The following PIP5K1B variants were observed in gnomAD, a reference collection of about 807,000 sequenced individuals.
The protein encoded by PIP5K1B is phosphatidylinositol-4-phosphate 5-kinase type 1 beta.
A neutral mutation model predicts 67.0 loss-of-function variants in PIP5K1B; 42 were observed. The observed-to-expected ratio is 0.63, with a 90% CI of 0.49 to 0.81. PIP5K1B has a LOEUF of 0.81. Ranked by LOEUF, PIP5K1B falls within the 30% of genes least tolerant of loss-of-function variation. The pLI is 0.00. For missense variants in PIP5K1B, 459 were observed against 646.3 expected, an observed-to-expected ratio of 0.71 and a Z score of 3.14; for synonymous variants, 214 against 231.4, an observed-to-expected ratio of 0.92 and a Z score of 0.68.
chr9:68,932,361 G>A (rs2132592851), intron 12 of PIP5K1B, among the ~76,000 whole-genome samples: 1 of 152,122 alleles, frequency 6.6e-6, no homozygotes, highest in South Asian at 2.1e-4. Flanking sequence ...TTATTTATGT[G>A]GGTGATAGCT....
intron 14 of PIP5K1B, among the ~76,000 whole-genome samples, chr9:68,958,188 C>T (rs1828501990): frequency 6.6e-6 from 1 of 152,056 alleles, no homozygotes; most frequent in Non-Finnish European, 1.5e-5. Flanking sequence ...GCTGTTTTCT[C>T]AAATGCTAAG....
chr9:68,950,174 C>G (rs1027854548), intron 14 of PIP5K1B, among the ~76,000 whole-genome samples: 1 of 152,168 alleles, frequency 6.6e-6, no homozygotes, highest in African/African-American at 2.4e-5. Flanking sequence ...AGCAGCTATT[C>G]GTGACCTCCC....
intron 15 of PIP5K1B, among the ~76,000 whole-genome samples, chr9:68,997,973 C>CTT (rs11454187): frequency 2.8e-5 from 4 of 145,214 alleles, no homozygotes; most frequent in African/African-American, 1.0e-4. Context: ...AGCTTTTTTT[C>CTT]TTTTTTTTTT....
chr9:68,752,489 CTTTT>C (rs922905006), intron 2 of PIP5K1B, among the ~76,000 whole-genome samples: 5 of 151,676 alleles, frequency 3.3e-5, no homozygotes, highest in African/African-American at 1.2e-4. Context: ...TTTATTCTTT[CTTTT>C]TTTTTCTTCC....
At chr9:68,865,024 C>T (rs1248953043) in intron 5 of PIP5K1B, among the ~76,000 whole-genome samples, 1 of 152,178 alleles carries the variant, frequency 6.6e-6, no homozygotes, top group Non-Finnish European at 1.5e-5. Flanking sequence ...TGTGGACATG[C>T]AGTAACCCCC....
intron 4 of PIP5K1B, among the ~76,000 whole-genome samples, chr9:68,835,757 A>G (rs554264933): frequency 6.6e-6 from 1 of 152,144 alleles, no homozygotes; most frequent in African/African-American, 2.4e-5. Flanking sequence ...TTCAAAAAGC[A>G]GTGGAATTCT....
At chr9:68,771,614 C>T (rs1012805485) in intron 2 of PIP5K1B, among the ~76,000 whole-genome samples, 1 of 152,110 alleles carries the variant, frequency 6.6e-6, no homozygotes, top group Non-Finnish European at 1.5e-5. Context: ...TCCTAGAAAT[C>T]GAATGAGTTA....
intron 2 of PIP5K1B, among the ~76,000 whole-genome samples, chr9:68,761,892 G>A (rs770950974): frequency 2.0e-4 from 30 of 152,094 alleles, no homozygotes; most frequent in Non-Finnish European, 3.5e-4. Context: ...CAGGGGTAAG[G>A]ATGTGGACAT....
At chr9:68,789,228 T>A (rs1831818287) in intron 2 of PIP5K1B, 1 of 493,876 alleles carries the variant, frequency 2.0e-6, no homozygotes, top group African/African-American at 2.0e-5. Context: ...TGTGATGGTG[T>A]TGACAACTGT....
intron 2 of PIP5K1B, chr9:68,780,370 A>G: frequency 6.2e-7 from 1 of 1,613,168 alleles, no homozygotes; most frequent in Non-Finnish European, 8.5e-7. Context: ...CCGAGCCGCC[A>G]CGGCCTGCTG....
chr9:68,938,022 G>T (rs1175211110), intron 13 of PIP5K1B, among the ~76,000 whole-genome samples: 8 of 152,132 alleles, frequency 5.3e-5, no homozygotes, highest in African/African-American at 1.9e-4. Context: ...TTCCAATTAT[G>T]TGATCAATTT....
chr9:68,925,859 G>GTGA (rs1564240320), intron 12 of PIP5K1B, among the ~76,000 whole-genome samples: 1 of 134,374 alleles, frequency 7.4e-6, no homozygotes, highest in African/African-American at 2.8e-5. Context: ...GTGCAGTGGC[G>GTGA]TGATTTCAGC....
chr9:68,929,404 T>G (rs1826879835), intron 12 of PIP5K1B, among the ~76,000 whole-genome samples: 1 of 152,156 alleles, frequency 6.6e-6, no homozygotes, highest in Non-Finnish European at 1.5e-5. Context: ...CATCCTTCTA[T>G]CTGCTCATTC....
chr9:68,964,852 G>T (rs1175884754), intron 14 of PIP5K1B, among the ~76,000 whole-genome samples: 1 of 152,180 alleles, frequency 6.6e-6, no homozygotes, highest in Non-Finnish European at 1.5e-5. Context: ...CCAAGAGGAG[G>T]TTGATTGATC....
At chr9:68,863,520 T>C (rs1419904113) in intron 4 of PIP5K1B, among the ~76,000 whole-genome samples, 1 of 152,172 alleles carries the variant, frequency 6.6e-6, no homozygotes, top group African/African-American at 2.4e-5. Flanking sequence ...AAATGGGAAA[T>C]ATTGGTGTCC....
chr9:68,779,940 C>T (rs1831138845), intron 2 of PIP5K1B: 2 of 498,364 alleles, frequency 4.0e-6, no homozygotes, highest in Non-Finnish European at 6.7e-6. Flanking sequence ...AGCGGCCCGA[C>T]CACTCCTCGC....
chr9:68,952,798 T>TCTGC (rs1564264826), intron 14 of PIP5K1B, among the ~76,000 whole-genome samples: 2 of 151,174 alleles, frequency 1.3e-5, no homozygotes, highest in Non-Finnish European at 2.9e-5. Flanking sequence ...TGCCTGCCTG[T>TCTGC]CTGCCTGTCT....
At chr9:68,861,848 G>A (rs1823092056) in intron 4 of PIP5K1B, among the ~76,000 whole-genome samples, 1 of 151,896 alleles carries the variant, frequency 6.6e-6, no homozygotes, top group African/African-American at 2.4e-5. Context: ...GCATTGCAGA[G>A]CTCCGAGAGG....
intron 2 of PIP5K1B, among the ~76,000 whole-genome samples, chr9:68,750,931 A>G (rs963546830): frequency 1.3e-5 from 2 of 152,190 alleles, no homozygotes; most frequent in East Asian, 3.9e-4. Flanking sequence ...AATGGTTGGA[A>G]TTCCTAAGTC....
Sources: gnomAD v4.1 joint callset for allele counts (sites outside exome capture counted in the v4.1 genomes callset) on GRCh38, gnomAD v4.1.1 for gene constraint, MANE v1.5 for transcripts, NCBI Gene and HGNC (gene_info 2026-07-23, HGNC 2026-07-21) for gene names.